Variants in ROBO2 observed in about 807,000 individuals in gnomAD.
The protein encoded by ROBO2 is roundabout guidance receptor 2, also known as roundabout homolog 2.
ROBO2 carries 53 observed loss-of-function variants against 160.8 expected under a neutral mutation model. The observed-to-expected ratio is 0.33, with a 90% confidence interval of 0.26 to 0.41. The LOEUF (loss-of-function observed/expected upper bound fraction) is 0.41. Among genes scored for constraint, ROBO2 ranks in the 10% least tolerant of loss-of-function variants. The pLI, the probability that ROBO2 is intolerant of heterozygous loss-of-function variation, is 1.00. For synonymous variants in ROBO2, 664 were observed against 611.7 expected (o/e 1.09, Z -1.26); for missense variants, 1,577 against 1,722.4 (o/e 0.92, Z 1.49).
chr3:75,906,921 G>A, exon 1 of ROBO2: 1 of 152,454 alleles, frequency 6.6e-6, no homozygotes. Flanking sequence ...CTGCTTCCCT[G>A]TCCCCCTGGG....
chr3:76,873,964 C>G (rs2072424890), intron 2 of ROBO2, among the ~76,000 whole-genome samples: 2 of 151,984 alleles, frequency 1.3e-5, no homozygotes, highest in African/African-American at 2.4e-5. Flanking sequence ...GAAAATGGCA[C>G]TAGCCAAGAT....
chr3:76,217,856 CA>C (rs1264923736), intron 2 of ROBO2, among the ~76,000 whole-genome samples: 2 of 151,878 alleles, frequency 1.3e-5, no homozygotes, highest in African/African-American at 2.4e-5. Flanking sequence ...AGAGACACAA[CA>C]AAAAAAGAGA....
chr3:76,871,085 A>G (rs955586364), intron 2 of ROBO2, among the ~76,000 whole-genome samples: 15 of 152,248 alleles, frequency 9.9e-5, no homozygotes, highest in African/African-American at 3.4e-4. Context: ...CGTAGTGACT[A>G]TATTTTGGTT....
intron 2 of ROBO2, among the ~76,000 whole-genome samples, chr3:76,943,521 A>G (rs894096428): frequency 6.6e-6 from 1 of 152,206 alleles, no homozygotes; most frequent in Admixed American, 6.5e-5. Flanking sequence ...ACATATTGGA[A>G]AGAACCACTT....
intron 2 of ROBO2, among the ~76,000 whole-genome samples, chr3:76,624,451 C>T (rs2109326839): frequency 6.6e-6 from 1 of 152,156 alleles, no homozygotes; most frequent in African/African-American, 2.4e-5. Flanking sequence ...AAATTTCCCC[C>T]CAAGAAATGG....
intron 2 of ROBO2, among the ~76,000 whole-genome samples, chr3:76,258,956 A>G (rs975391270): frequency 6.6e-6 from 1 of 152,162 alleles, no homozygotes; most frequent in African/African-American, 2.4e-5. Flanking sequence ...CATTTTATCA[A>G]CTTTTCTTGG....
chr3:76,744,729 T>A (rs1034294004), intron 2 of ROBO2, among the ~76,000 whole-genome samples: 1 of 151,816 alleles, frequency 6.6e-6, no homozygotes, highest in East Asian at 1.9e-4. Context: ...CTTCAGAGGA[T>A]CTTGAGTTTT....
intron 2 of ROBO2, among the ~76,000 whole-genome samples, chr3:76,846,720 T>C (rs527930878): frequency 6.6e-6 from 1 of 152,300 alleles, no homozygotes; most frequent in South Asian, 2.1e-4. Flanking sequence ...CTATTTAGTT[T>C]CTTATTTTTT....
chr3:76,895,521 G>T (rs1001573595), intron 2 of ROBO2, among the ~76,000 whole-genome samples: 17 of 151,908 alleles, frequency 1.1e-4, no homozygotes, highest in Admixed American at 1.0e-3. Flanking sequence ...ATTGATTATT[G>T]TGTGAAGTCT....
At chr3:76,348,805 C>G (rs566273368) in intron 2 of ROBO2, among the ~76,000 whole-genome samples, 36 of 152,140 alleles carry the variant, frequency 2.4e-4, no homozygotes, top group Non-Finnish European at 4.6e-4. Flanking sequence ...ATCTAAATTG[C>G]CCTGAAGGAT....
chr3:76,522,637 C>T (rs987319983), intron 2 of ROBO2, among the ~76,000 whole-genome samples: 30 of 152,096 alleles, frequency 2.0e-4, no homozygotes, highest in Non-Finnish European at 2.8e-4. Context: ...ACAAACAATT[C>T]ACCTTCCTGG....
intron 5 of ROBO2, among the ~76,000 whole-genome samples, chr3:77,512,047 T>A (rs904694887): frequency 2.6e-5 from 4 of 151,924 alleles, no homozygotes; most frequent in African/African-American, 9.7e-5. Context: ...TAATTATAGA[T>A]AAAAAGAAAA....
intron 2 of ROBO2, among the ~76,000 whole-genome samples, chr3:76,373,745 G>T (rs775039989): frequency 2.0e-5 from 3 of 151,934 alleles, no homozygotes; most frequent in Non-Finnish European, 4.4e-5. Flanking sequence ...CACCCACAAA[G>T]TTGGTGCTTA....
At position 77,388,141 on chromosome 3, in the gene ROBO2, TACACACAC is replaced by T. The variant is rs60937023; in HGVS notation, c.389-89249_389-89242del. ...AACTCCATTCTCATAGATTCACACATACACACACACACACACACACACACACACACAAG... is the reference window on the plus strand; with the variant it reads ...AACTCCATTCTCATAGATTCACACATACACACACACACACACACACACAAG... On this transcript the variant is annotated intron_variant, in intron 2 of 25. Transcript: ENST00000461745. 4.2e-3 allele frequency among the ~76,000 whole-genome samples: 613 copies of T among 147,018 alleles called. 6 individuals are homozygous for T. Among genetic ancestry groups the T allele is most frequent in the East Asian group, 0.017 (83 of 5,022 alleles).
At chr3:76,333,098 A>C (rs895593316) in intron 2 of ROBO2, among the ~76,000 whole-genome samples, 1 of 152,128 alleles carries the variant, frequency 6.6e-6, no homozygotes, top group East Asian at 1.9e-4. Flanking sequence ...AGTATATGTA[A>C]ACTGGTCTTC....
chr3:76,113,401 G>T (rs1268405055), intron 2 of ROBO2, among the ~76,000 whole-genome samples: 1 of 151,982 alleles, frequency 6.6e-6, no homozygotes, highest in Non-Finnish European at 1.5e-5. Context: ...GAAGACAGAG[G>T]TCTTTATCCT....
At chr3:76,668,157 C>T (rs1204231956) in intron 2 of ROBO2, among the ~76,000 whole-genome samples, 6 of 152,026 alleles carry the variant, frequency 3.9e-5, no homozygotes, top group African/African-American at 7.2e-5. Flanking sequence ...TGGAGTGTAG[C>T]GGCCCCATTA....
At chr3:76,364,244 TC>T (rs1364093010) in intron 2 of ROBO2, among the ~76,000 whole-genome samples, 2 of 152,046 alleles carry the variant, frequency 1.3e-5, no homozygotes, top group African/African-American at 4.8e-5. Flanking sequence ...AGGAATACCT[TC>T]CCTGACTCCT....
intron 2 of ROBO2, among the ~76,000 whole-genome samples, chr3:77,147,602 A>AC (rs762774329): frequency 2.0e-4 from 30 of 152,132 alleles, no homozygotes; most frequent in Non-Finnish European, 3.5e-4. Flanking sequence ...TCTAAAGCAC[A>AC]CCGTTGTATG....
Sources: gnomAD v4.1 joint callset for allele counts (sites outside exome capture counted in the v4.1 genomes callset) on GRCh38, gnomAD v4.1.1 for gene constraint, MANE v1.5 for transcripts, NCBI Gene and HGNC (gene_info 2026-07-23, HGNC 2026-07-21) for gene names.